Variants in DNAH3 observed in about 807,000 individuals in gnomAD.
DNAH3 encodes the protein dynein axonemal heavy chain 3, also known as axonemal beta dynein heavy chain 3.
A neutral mutation model predicts 432.5 loss-of-function variants in DNAH3; 332 were observed. That is an observed-to-expected ratio of 0.77 (90% CI 0.70 to 0.84). The LOEUF is 0.84. Ranked by LOEUF, DNAH3 falls within the 40% of genes least tolerant of loss-of-function variation. The probability of loss-of-function intolerance (pLI) is 0.00; values close to 1 mark genes in which losing one functional copy is unlikely to be tolerated. For synonymous variants in DNAH3, 1,956 were observed against 1,900.2 expected, an observed-to-expected ratio of 1.03 and a Z score of -0.76; for missense variants, 4,861 against 5,114.0, an observed-to-expected ratio of 0.95 and a Z score of 1.51.
chr16:20,979,792 C>T (rs1000209612), intron 49 of DNAH3, among the ~76,000 whole-genome samples: 2 of 152,104 alleles, frequency 1.3e-5, no homozygotes, highest in Non-Finnish European at 2.9e-5. Context: ...CTCTGACACC[C>T]AGGCTGGAGT....
rs1440319890 is a variant in DNAH3 at position 21,146,217 on chromosome 16, C to T, written c.118-129G>A. ...AGAGTTCTGGACCTAAAACAAAACA[C>T]TCCTCTCATTCCCATCCATTATGTA... On this transcript the variant is annotated intron_variant, in intron 1 of 61. Transcript: ENST00000261383. The T allele has an allele frequency of 2.4e-5, 15 of 617,674 alleles. No individual in the cohort carries two copies. In the East Asian group the frequency reaches 3.9e-4, roughly 16 times the overall value. 38.3% of individuals were successfully genotyped at this position (617,674 alleles called of 1,614,324 possible).
rs763216462 is a variant in DNAH3 at position 21,070,843 on chromosome 16, C to T, written c.3085-17G>A. On this transcript the variant is annotated splice_polypyrimidine_tract_variant and intron_variant, in intron 21 of 61. Transcript: ENST00000261383. ...GTTTGTATCCTGTAAATAAAGATGC[C>T]CCACCCTGTCAAGATTGTGAAACCT... 2 of 1,453,214 alleles carry T rather than the reference C, an allele frequency of 1.4e-6. No homozygotes were observed. The highest frequency in any genetic ancestry group is 1.9e-6 in the Non-Finnish European group (2 of 1,036,316). 90.0% of individuals were successfully genotyped at this position (1,453,214 alleles called of 1,614,324 possible).
At chr16:21,107,365 G>A (rs565546282) in intron 14 of DNAH3, among the ~76,000 whole-genome samples, 11 of 147,088 alleles carry the variant, frequency 7.5e-5, no homozygotes, top group African/African-American at 1.8e-4. Flanking sequence ...TCAGCCTCCC[G>A]AGTAGCTGGG....
At chr16:20,959,321 C>T (rs1353200001) in exon 54 of DNAH3, 1 of 1,614,174 alleles carries the variant, frequency 6.2e-7, no homozygotes, top group Non-Finnish European at 8.5e-7. Context: ...ATTTTGGCAG[C>T]AATAGGGCCT....
intron 1 of DNAH3, among the ~76,000 whole-genome samples, chr16:21,155,951 C>A (rs534478074): frequency 6.6e-6 from 1 of 152,046 alleles, no homozygotes. Context: ...AGTTTCAATC[C>A]TTGGAGGCTA....
intron 6 of DNAH3, among the ~76,000 whole-genome samples, 155 bp downstream of exon 7, chr16:21,136,169 T>G (rs2092640037): frequency 6.6e-6 from 1 of 152,098 alleles, no homozygotes; most frequent in Admixed American, 6.6e-5. Flanking sequence ...ATCCTAGCAC[T>G]TTGGGAGGCT....
intron 52 of DNAH3, among the ~76,000 whole-genome samples, chr16:20,965,990 G>A: frequency 7.3e-6 from 1 of 136,664 alleles, no homozygotes; most frequent in African/African-American, 2.8e-5. Context: ...TAAGATTCCA[G>A]GCCTGAGCCA....
At chr16:20,942,990 A>G (rs1338906340) in intron 58 of DNAH3, among the ~76,000 whole-genome samples, 1 of 152,044 alleles carries the variant, frequency 6.6e-6, no homozygotes, top group Non-Finnish European at 1.5e-5. Flanking sequence ...CCTCGTGATC[A>G]CAGCCTCACT....
At chr16:21,153,628 A>G (rs899235653) in intron 1 of DNAH3, among the ~76,000 whole-genome samples, 4 of 152,164 alleles carry the variant, frequency 2.6e-5, no homozygotes, top group African/African-American at 9.7e-5. Context: ...AATAGCTGTA[A>G]CACTCACGGT....
chr16:21,075,684 G>A lies in DNAH3; in HGVS notation c.2970-123C>T. On this transcript the variant is annotated intron_variant, in intron 20 of 61. Coordinates refer to ENST00000261383, the Ensembl canonical transcript of DNAH3. ...TCCCAGCACTTTGGGAGGCCGAGGA[G>A]GGAAGATTGCTTGAGGTCGGGAGTT... is the stretch of plus-strand genomic sequence containing the variant. 3 of 751,140 alleles carry A rather than the reference G, an allele frequency of 4.0e-6. No homozygotes were observed. In the South Asian group the frequency reaches 4.7e-5, roughly 12 times the overall value. 46.5% of individuals were successfully genotyped at this position (751,140 alleles called of 1,614,324 possible).
chr16:21,135,740 A>G (rs974816228), intron 6 of DNAH3, among the ~76,000 whole-genome samples: 3 of 151,970 alleles, frequency 2.0e-5, no homozygotes, highest in Non-Finnish European at 4.4e-5. Flanking sequence ...AGAAAAAAAA[A>G]AGAAGTGTAG....
intron 7 of DNAH3, among the ~76,000 whole-genome samples, chr16:21,130,954 T>C (rs977406803): frequency 1.3e-5 from 2 of 152,196 alleles, no homozygotes; most frequent in African/African-American, 4.8e-5. Context: ...TGTTGAGCAA[T>C]TACTGTGTGC....
intron 41 of DNAH3, among the ~76,000 whole-genome samples, chr16:21,004,315 TC>T (rs1174208391): frequency 4.6e-5 from 7 of 152,264 alleles, no homozygotes; most frequent in African/African-American, 1.7e-4. Flanking sequence ...TTTCACTACC[TC>T]CAACCAGCAA....
At chr16:21,051,919 C>G in intron 28 of DNAH3, 51 bp from the exon 29 acceptor site, 3 of 1,507,304 alleles carry the variant, frequency 2.0e-6, no homozygotes, top group Non-Finnish European at 2.8e-6. Context: ...CAGAACTCTC[C>G]ATCTTTGTAA....
At chr16:20,970,744 T>A (rs1312344490) in intron 51 of DNAH3, among the ~76,000 whole-genome samples, 2 of 152,084 alleles carry the variant, frequency 1.3e-5, no homozygotes, top group Non-Finnish European at 2.9e-5. Flanking sequence ...AAAGAAATAA[T>A]TGGAAAGAAT....
intron 32 of DNAH3, among the ~76,000 whole-genome samples, chr16:21,040,427 C>T (rs1028142552): frequency 3.0e-5 from 4 of 134,176 alleles, no homozygotes; most frequent in Admixed American, 1.6e-4. Context: ...GGCAGTGGCA[C>T]GATCTTGGCT....
intron 49 of DNAH3, 148 bp downstream of exon 49, chr16:20,982,573 A>G: frequency 1.6e-6 from 1 of 620,454 alleles, no homozygotes; most frequent in South Asian, 2.7e-5. Context: ...GCTTTATTAA[A>G]TATCTAACTA....
At chr16:20,943,490 C>T (rs2083907330) in intron 58 of DNAH3, among the ~76,000 whole-genome samples, 1 of 152,178 alleles carries the variant, frequency 6.6e-6, no homozygotes, top group South Asian at 2.1e-4. Flanking sequence ...TCCCAAAGTG[C>T]TGGGACTACA....
intron 44 of DNAH3, among the ~76,000 whole-genome samples, chr16:20,993,718 C>G (rs945628307): frequency 5.9e-5 from 9 of 152,094 alleles, no homozygotes; most frequent in African/African-American, 1.2e-4. Flanking sequence ...GGGTCTTGCT[C>G]TGTCGCCCTG....
Sources: allele counts gnomAD v4.1 joint callset (sites outside exome capture counted in the v4.1 genomes callset), GRCh38; gene constraint gnomAD v4.1.1; transcripts MANE v1.5; gene names NCBI Gene and HGNC (gene_info 2026-07-23, HGNC 2026-07-21).